Variants in CLN8 observed in about 807,000 individuals in gnomAD.
CLN8 encodes CLN8 transmembrane ER and ERGIC protein.
In CLN8, 14 loss-of-function variants were observed where a neutral mutation model predicts 15.7. The observed-to-expected ratio is 0.89, with a 90% CI of 0.59 to 1.39. CLN8 has a LOEUF of 1.39. Ranked by LOEUF, CLN8 falls within the 40% of genes most tolerant of loss-of-function variation. The probability of loss-of-function intolerance (pLI) is 0.00; values close to 1 mark genes in which losing one functional copy is unlikely to be tolerated. For missense variants in CLN8, 415 were observed against 364.0 expected (o/e 1.14, Z -1.14); for synonymous variants, 188 against 151.0 (o/e 1.25, Z -1.80).
chr8:1,756,796 C>T (rs1800680690), intron 1 of CLN8, among the ~76,000 whole-genome samples: 1 of 151,342 alleles, frequency 6.6e-6, no homozygotes, highest in African/African-American at 2.4e-5. Flanking sequence ...AATTCTCCTG[C>T]CTCAGCCTCC....
At chr8:1,775,592 T>A (rs1352287488) in intron 2 of CLN8, among the ~76,000 whole-genome samples, 1 of 152,210 alleles carries the variant, frequency 6.6e-6, no homozygotes, top group African/African-American at 2.4e-5. Context: ...TATTGGTAAT[T>A]TAAGATGACT....
intron 2 of CLN8, among the ~76,000 whole-genome samples, chr8:1,777,904 A>C (rs1801577697): frequency 6.6e-6 from 1 of 152,228 alleles, no homozygotes; most frequent in Non-Finnish European, 1.5e-5. Flanking sequence ...AAAATAGTAA[A>C]TGATAGGAAT....
chr8:1,767,185 C>G (rs1208716255), intron 1 of CLN8, among the ~76,000 whole-genome samples: 1 of 152,134 alleles, frequency 6.6e-6, no homozygotes, highest in African/African-American at 2.4e-5. Flanking sequence ...CCCACAGTAA[C>G]GAGTTAGACT....
rs1801699726 is a variant in CLN8, at chr8:1,781,067, A to G, written c.*500A>G. ...TTATTAAAGCTTCCCAGCGTATGAA[A>G]TTCTAAGCTGGGTGGGGTGGCTCAC... On this transcript the variant is annotated 3_prime_UTR_variant, in exon 3 of 3. Coordinates refer to ENST00000331222, the MANE Select transcript of CLN8 (RefSeq NM_018941.4). 6.3e-6 allele frequency: 1 copy of G among 157,826 alleles called. No homozygotes were observed. Among genetic ancestry groups the G allele is most frequent in the South Asian group, 1.8e-4 (1 of 5,456 alleles). 9.8% of individuals were successfully genotyped at this position (157,826 alleles called of 1,614,324 possible). A position where few individuals can be genotyped will look rare whatever the true frequency, so the allele number is the denominator to read the frequency against.
In CLN8 at chr8:1,757,820, G is replaced by C. The variant is rs533452329; in HGVS notation, c.-124+1738G>C. On this transcript the variant is annotated intron_variant, in intron 1 of 1. Coordinates refer to the CLN8 transcript ENST00000524258. The stretch of plus-strand genomic sequence containing the variant: ...CCAATGGGGATTTAAGGCTTCTTTG[G>C]GTACTGATAATTACGGCTATTATCT... 1.4e-4 allele frequency among the ~76,000 whole-genome samples: 22 copies of C among 152,160 alleles called. No homozygotes were observed. The South Asian group carries it at 2.5e-3, about 17-fold the overall frequency.
intron 2 of CLN8, among the ~76,000 whole-genome samples, chr8:1,774,421 C>T (rs1490487964): frequency 6.6e-6 from 1 of 152,126 alleles, no homozygotes; most frequent in African/African-American, 2.4e-5. Context: ...CTAATAAATG[C>T]AGTAAGAAAA....
chr8:1,764,599 G>A (rs1186865132), intron 1 of CLN8: 1 of 152,916 alleles, frequency 6.5e-6, no homozygotes, highest in East Asian at 1.9e-4. Context: ...GGGAGGCGGA[G>A]GGACGCTGGG....
intron 2 of CLN8, 117 bp downstream of exon 2, chr8:1,771,714 G>A (rs1281392647): frequency 1.1e-6 from 1 of 886,348 alleles, no homozygotes; most frequent in East Asian, 2.6e-5. Context: ...CACACATTCA[G>A]TTACAAACTC....
Position 1,785,241 on chromosome 8 carries a change from G to T in CLN8, c.*4674G>T. The T allele has an allele frequency of 5.7e-6, 1 of 174,862 alleles. No homozygotes were observed. The highest frequency in any genetic ancestry group is 5.7e-5 in the Admixed American group (1 of 17,670). 10.8% of individuals were successfully genotyped at this position (174,862 alleles called of 1,614,324 possible). The stretch of plus-strand genomic sequence containing the variant: ...GTGTGCATCCTGGGTGCTCCTTTGT[G>T]CTCTGTCCTACGGTGACACAGGCGG... On this transcript the variant is annotated 3_prime_UTR_variant, in exon 3 of 3. Transcript: ENST00000331222.
intron 1 of CLN8, among the ~76,000 whole-genome samples, chr8:1,765,638 G>C (rs959369530): frequency 1.3e-5 from 2 of 152,206 alleles, no homozygotes; most frequent in African/African-American, 2.4e-5. Flanking sequence ...GTTCAAAAGA[G>C]AATACACAAA....
chr8:1,753,207 A>G (rs886529084), upstream of CLN8, among the ~76,000 whole-genome samples: 2 of 152,184 alleles, frequency 1.3e-5, no homozygotes, highest in African/African-American at 4.8e-5. Context: ...TAATGGTTTC[A>G]GGAATCTGTT....
upstream of CLN8, among the ~76,000 whole-genome samples, chr8:1,755,155 T>G (rs1800638800): frequency 6.6e-6 from 1 of 151,936 alleles, no homozygotes; most frequent in Non-Finnish European, 1.5e-5. Flanking sequence ...TCCCAGCAAG[T>G]GAAAAAGAAG....
upstream of CLN8, chr8:1,760,370 G>C (rs1210196594): frequency 2.6e-5 from 4 of 152,164 alleles, no homozygotes; most frequent in African/African-American, 9.7e-5. Context: ...CGGGAGGGGA[G>C]TACACAGGCT....
At position 1,771,014 on chromosome 8, in the gene CLN8, C is replaced by T. The variant is rs543839915; in HGVS notation, c.-41C>T. 3.7e-6 allele frequency: 6 copies of T among 1,603,230 alleles called. No individual in the cohort carries two copies. Among genetic ancestry groups the T allele is most frequent in the Admixed American group, 1.7e-5 (1 of 59,982 alleles). On this transcript the variant is annotated 5_prime_UTR_variant, in exon 2 of 3. Transcript: ENST00000331222. Reference sequence around the variant, plus strand: ...ACAAGACACAGTGTAGGGCCCGGCCCGTGTTGGCCCCAGGACTCCTTTGGA... The same window carrying T: ...ACAAGACACAGTGTAGGGCCCGGCCTGTGTTGGCCCCAGGACTCCTTTGGA...
chr8:1,767,765 G>A (rs1801127380), intron 1 of CLN8, among the ~76,000 whole-genome samples: 2 of 151,570 alleles, frequency 1.3e-5, no homozygotes, highest in South Asian at 4.2e-4. Flanking sequence ...TAGAGTCGAG[G>A]TTTGACCATG....
chr8:1,755,549 C>A (rs1280206208), upstream of CLN8, among the ~76,000 whole-genome samples: 1 of 152,172 alleles, frequency 6.6e-6, no homozygotes, highest in Non-Finnish European at 1.5e-5. Flanking sequence ...TCTCTGAACA[C>A]CGTGTCGCAG....
chr8:1,754,442 G>C (rs1293854874), upstream of CLN8, among the ~76,000 whole-genome samples: 1 of 152,118 alleles, frequency 6.6e-6, no homozygotes, highest in Non-Finnish European at 1.5e-5. Flanking sequence ...ATTTGTCTTT[G>C]ACTATCTTTA....
chr8:1,758,293 C>G (rs1369351015), intron 1 of CLN8: 2 of 150,674 alleles, frequency 1.3e-5, no homozygotes, highest in Non-Finnish European at 2.9e-5. Flanking sequence ...ATACACGGCC[C>G]TTATTAAAGA....
At chr8:1,770,152 A>G (rs1801241412) in intron 1 of CLN8, among the ~76,000 whole-genome samples, 1 of 152,284 alleles carries the variant, frequency 6.6e-6, no homozygotes. Flanking sequence ...AACCCAGTCC[A>G]TGGGTCTCCC....
Sources: allele counts gnomAD v4.1 joint callset (sites outside exome capture counted in the v4.1 genomes callset), GRCh38; gene constraint gnomAD v4.1.1; transcripts MANE v1.5; gene names NCBI Gene and HGNC (gene_info 2026-07-23, HGNC 2026-07-21).